RANBP2: variants seen among roughly 807,000 people sequenced by gnomAD.
The protein encoded by RANBP2 is E3 SUMO-protein ligase RanBP2.
RANBP2 carries 57 observed loss-of-function variants against 303.6 expected under a neutral mutation model. That is an observed-to-expected ratio of 0.19 (90% confidence interval 0.15 to 0.23). RANBP2 has a LOEUF of 0.23. RANBP2 is among the 10% of genes least tolerant of loss of function. RANBP2 has a pLI of 1.00. For synonymous variants in RANBP2, 1,167 were observed against 1,301.5 expected (o/e 0.90, Z 2.23); for missense variants, 3,138 against 3,780.8 (o/e 0.83, Z 4.46).
the RANBP2 span, among the ~76,000 whole-genome samples, chr2:108,887,228 C>G: frequency 1.3e-5 from 2 of 152,016 alleles, no homozygotes; most frequent in Non-Finnish European, 2.9e-5. Context: ...TTATTTTGTT[C>G]CATTGGTCTA....
chr2:109,414,308 C>G, the RANBP2 span, among the ~76,000 whole-genome samples: 2 of 152,346 alleles, frequency 1.3e-5, no homozygotes, highest in African/African-American at 4.8e-5. Context: ...CTCCAGCTGT[C>G]TAGACCATGC....
chr2:109,272,253 A>G, the RANBP2 span, among the ~76,000 whole-genome samples: 2 of 152,334 alleles, frequency 1.3e-5, no homozygotes, highest in South Asian at 4.1e-4. Flanking sequence ...TGTCTAGGTG[A>G]AATCTCTAGC....
chr2:108,854,025 TA>T, the RANBP2 span, among the ~76,000 whole-genome samples: 1 of 107,614 alleles, frequency 9.3e-6, no homozygotes, highest in Admixed American at 1.3e-4. Flanking sequence ...ATAATAAATT[TA>T]TATTATATAT....
chr2:109,003,205 C>CAAA, the RANBP2 span, among the ~76,000 whole-genome samples: 825 of 45,210 alleles, frequency 0.018, 66 homozygotes, highest in African/African-American at 0.051. Flanking sequence ...GTCTCCCTCT[C>CAAA]AAAAAAAAAA....
At chr2:109,487,334 CGACCACCAGGGAAGTGCCTA>C in the RANBP2 span, among the ~76,000 whole-genome samples, 1 of 152,178 alleles carries the variant, frequency 6.6e-6, no homozygotes, top group African/African-American at 2.4e-5. Context: ...TCACACGGGA[CGACCACCAGGGAAGTGCCTA>C]GACCGTCTAC....
chr2:109,653,427 AT>A, the RANBP2 span, among the ~76,000 whole-genome samples: 7 of 150,196 alleles, frequency 4.7e-5, no homozygotes, highest in Non-Finnish European at 7.4e-5. Context: ...GATCTCTGTC[AT>A]TCACTCCTGT....
chr2:108,738,526 T>A (rs899670993), intron 6 of RANBP2, among the ~76,000 whole-genome samples: 1 of 151,974 alleles, frequency 6.6e-6, no homozygotes, highest in Non-Finnish European at 1.5e-5. Flanking sequence ...CACCCGGCTG[T>A]ATGTGGGTTA....
At chr2:109,182,598 A>G in the RANBP2 span, among the ~76,000 whole-genome samples, 1 of 152,250 alleles carries the variant, frequency 6.6e-6, no homozygotes, top group Non-Finnish European at 1.5e-5. Context: ...AATTGCAAGA[A>G]TGAATCGATG....
the RANBP2 span, among the ~76,000 whole-genome samples, chr2:109,620,897 A>G: frequency 6.6e-6 from 1 of 152,192 alleles, no homozygotes; most frequent in African/African-American, 2.4e-5. Flanking sequence ...TCTAATAATC[A>G]TTTTAAACAT....
chr2:109,506,284 G>C, the RANBP2 span, among the ~76,000 whole-genome samples: 4 of 152,206 alleles, frequency 2.6e-5, no homozygotes, highest in Non-Finnish European at 5.9e-5. Context: ...AACTGCGGAG[G>C]GGCGTTGAGT....
the RANBP2 span, among the ~76,000 whole-genome samples, chr2:109,452,316 C>T: frequency 1.2e-4 from 19 of 152,146 alleles, no homozygotes; most frequent in Non-Finnish European, 2.5e-4. Context: ...AAACAGGCTT[C>T]CTAACTTTGG....
chr2:109,620,296 C>T, the RANBP2 span, among the ~76,000 whole-genome samples: 1 of 152,168 alleles, frequency 6.6e-6, no homozygotes, highest in Non-Finnish European at 1.5e-5. Context: ...ATCAGTTCAT[C>T]TGCAGCTCAG....
the RANBP2 span, among the ~76,000 whole-genome samples, chr2:109,378,480 C>G: frequency 6.6e-6 from 1 of 152,194 alleles, no homozygotes; most frequent in Non-Finnish European, 1.5e-5. Context: ...GCTTATGGAG[C>G]TGTGTGATGC....
chr2:109,132,191 C>T, the RANBP2 span, among the ~76,000 whole-genome samples: 1 of 152,204 alleles, frequency 6.6e-6, no homozygotes, highest in Admixed American at 6.5e-5. Context: ...ATAAATATTA[C>T]AGTCCCATCA....
At chr2:109,167,798 C>T in the RANBP2 span, among the ~76,000 whole-genome samples, 6 of 152,162 alleles carry the variant, frequency 3.9e-5, no homozygotes, top group Admixed American at 2.0e-4. Flanking sequence ...GTCTTGATCT[C>T]CTGACCTTGT....
At chr2:109,619,870 T>A in the RANBP2 span, among the ~76,000 whole-genome samples, 1 of 152,218 alleles carries the variant, frequency 6.6e-6, no homozygotes, top group Non-Finnish European at 1.5e-5. Flanking sequence ...ATTCCTTCAA[T>A]GATCACCCAA....
the RANBP2 span, chr2:109,501,458 T>G: frequency 2.7e-6 from 2 of 746,952 alleles, no homozygotes; most frequent in African/African-American, 1.7e-5. Context: ...ACCCAGCAGA[T>G]GGAGATTGTC....
chr2:109,562,651 G>C, the RANBP2 span, among the ~76,000 whole-genome samples: 1 of 152,052 alleles, frequency 6.6e-6, no homozygotes, highest in African/African-American at 2.4e-5. Context: ...TCCTCAGAGA[G>C]GACTTCAAAG....
chr2:109,534,420 T>A, the RANBP2 span, among the ~76,000 whole-genome samples: 7 of 152,208 alleles, frequency 4.6e-5, no homozygotes, highest in Non-Finnish European at 8.8e-5. Context: ...AAACTCTTTA[T>A]AAGCAACTAA....
Sources: gnomAD v4.1 joint callset for allele counts (sites outside exome capture counted in the v4.1 genomes callset) on GRCh38, gnomAD v4.1.1 for gene constraint, MANE v1.5 for transcripts, NCBI Gene and HGNC (gene_info 2026-07-23, HGNC 2026-07-21) for gene names.